Variants in MIR2052HG observed in about 807,000 individuals in gnomAD.
MIR2052HG encodes the protein MIR2052 host gene.
chr8:74,740,951 G>A (rs528183172), intron 4 of MIR2052HG, among the ~76,000 whole-genome samples: 3 of 152,256 alleles, frequency 2.0e-5, no homozygotes, highest in East Asian at 1.9e-4. Flanking sequence ...ATTCCCAGTA[G>A]TTGTATTCTA....
chr8:74,729,790 T>G (rs1189186889), intron 4 of MIR2052HG, among the ~76,000 whole-genome samples: 1 of 152,150 alleles, frequency 6.6e-6, no homozygotes, highest in Non-Finnish European at 1.5e-5. Flanking sequence ...ATAAAGATAT[T>G]GTCAGCTTCC....
At chr8:74,719,720 C>A (rs1809555019) in intron 4 of MIR2052HG, among the ~76,000 whole-genome samples, 1 of 151,756 alleles carries the variant, frequency 6.6e-6, no homozygotes, top group Non-Finnish European at 1.5e-5. Context: ...TCCTTTTGGT[C>A]TCTGGGCTGG....
At chr8:74,622,186 G>A (rs1166210189) in intron 2 of MIR2052HG, among the ~76,000 whole-genome samples, 1 of 152,104 alleles carries the variant, frequency 6.6e-6, no homozygotes, top group African/African-American at 2.4e-5. Context: ...AACATATGAA[G>A]AACTCAGATA....
chr8:74,643,340 C>T (rs1808659976), intron 2 of MIR2052HG, among the ~76,000 whole-genome samples: 1 of 151,832 alleles, frequency 6.6e-6, no homozygotes, highest in Admixed American at 6.6e-5. Flanking sequence ...GCAATTTGAA[C>T]CTCAGTAGAA....
intron 1 of MIR2052HG, among the ~76,000 whole-genome samples, chr8:74,608,780 G>C (rs1172992239): frequency 6.6e-6 from 1 of 152,024 alleles, no homozygotes; most frequent in Non-Finnish European, 1.5e-5. Context: ...ATCAAATTTT[G>C]TGAGATGAAG....
At chr8:74,650,644 T>G (rs1586903541) in intron 2 of MIR2052HG, among the ~76,000 whole-genome samples, 1 of 152,080 alleles carries the variant, frequency 6.6e-6, no homozygotes, top group East Asian at 1.9e-4. Context: ...GGCTGGATGA[T>G]TTTACACTCC....
chr8:74,699,398 GTA>G (rs1291579329), intron 2 of MIR2052HG, among the ~76,000 whole-genome samples: 1 of 126,792 alleles, frequency 7.9e-6, no homozygotes, highest in African/African-American at 3.3e-5. Context: ...TGTAGTATGT[GTA>G]TGTGTGTGTG....
chr8:74,618,548 T>C (rs1406174383), intron 2 of MIR2052HG, among the ~76,000 whole-genome samples: 1 of 152,164 alleles, frequency 6.6e-6, no homozygotes, highest in Non-Finnish European at 1.5e-5. Flanking sequence ...AAAAACCATA[T>C]GATCATCTCA....
At chr8:74,633,615 C>A (rs761397197) in intron 2 of MIR2052HG, among the ~76,000 whole-genome samples, 1 of 152,168 alleles carries the variant, frequency 6.6e-6, no homozygotes, top group South Asian at 2.1e-4. Context: ...ACTTGTTATG[C>A]GTTTCCTAGG....
At chr8:74,733,434 G>A (rs1384338628) in intron 4 of MIR2052HG, among the ~76,000 whole-genome samples, 4 of 151,998 alleles carry the variant, frequency 2.6e-5, no homozygotes, top group Non-Finnish European at 4.4e-5. Context: ...TGGCTGCATA[G>A]TATTCCATGG....
intron 1 of MIR2052HG, among the ~76,000 whole-genome samples, chr8:74,604,960 T>G (rs1466478008): frequency 1.3e-5 from 2 of 151,992 alleles, no homozygotes; most frequent in Admixed American, 6.6e-5. Flanking sequence ...ATTTCTTGCA[T>G]GAGATTCAAT....
intron 4 of MIR2052HG, among the ~76,000 whole-genome samples, chr8:74,742,931 T>G (rs1362481148): frequency 1.3e-5 from 2 of 152,140 alleles, no homozygotes; most frequent in Non-Finnish European, 2.9e-5. Flanking sequence ...CCCTTGGATG[T>G]CATGGTATAA....
intron 2 of MIR2052HG, among the ~76,000 whole-genome samples, chr8:74,672,890 T>C (rs1809007872): frequency 6.6e-6 from 1 of 152,072 alleles, no homozygotes; most frequent in African/African-American, 2.4e-5. Context: ...CCAGAACTAT[T>C]TAAATTGAAT....
At chr8:74,628,454 G>A (rs1390608074) in intron 2 of MIR2052HG, among the ~76,000 whole-genome samples, 4 of 152,170 alleles carry the variant, frequency 2.6e-5, no homozygotes, top group Non-Finnish European at 4.4e-5. Context: ...GTCAGAAGCC[G>A]ATAGATGTGG....
chr8:74,654,266 T>A (rs1468887814), intron 2 of MIR2052HG, among the ~76,000 whole-genome samples: 1 of 152,152 alleles, frequency 6.6e-6, no homozygotes, highest in East Asian at 1.9e-4. Context: ...CTTCTTCTCA[T>A]GAGGAATCTA....
chr8:74,651,205 G>A (rs926594956), intron 2 of MIR2052HG, among the ~76,000 whole-genome samples: 2 of 150,888 alleles, frequency 1.3e-5, no homozygotes, highest in African/African-American at 4.9e-5. Context: ...GGAACTGGTT[G>A]TTTTTAATGA....
intron 2 of MIR2052HG, among the ~76,000 whole-genome samples, chr8:74,652,614 T>C (rs1011636415): frequency 3.9e-5 from 6 of 152,218 alleles, no homozygotes; most frequent in Admixed American, 3.9e-4. Flanking sequence ...TTGATATAAA[T>C]GTGATATCTC....
intron 1 of MIR2052HG, among the ~76,000 whole-genome samples, chr8:74,608,889 T>C (rs1808151438): frequency 6.6e-6 from 1 of 151,554 alleles, no homozygotes; most frequent in Admixed American, 6.6e-5. Flanking sequence ...TTTTAAGAAA[T>C]AAGAAAAAAC....
At chr8:74,703,858 G>A (rs1377498843) in intron 4 of MIR2052HG, among the ~76,000 whole-genome samples, 1 of 152,018 alleles carries the variant, frequency 6.6e-6, no homozygotes, top group Non-Finnish European at 1.5e-5. Flanking sequence ...ATACAAATGT[G>A]TATTTCCAAT....
Sources: gnomAD v4.1 joint callset for allele counts (sites outside exome capture counted in the v4.1 genomes callset) on GRCh38, gnomAD v4.1.1 for gene constraint, MANE v1.5 for transcripts, NCBI Gene and HGNC (gene_info 2026-07-23, HGNC 2026-07-21) for gene names.